The following TLK1 variants were observed in gnomAD, a reference collection of about 807,000 sequenced individuals.
TLK1 encodes the protein tousled like kinase 1, also known as serine/threonine-protein kinase tousled-like 1.
A neutral mutation model predicts 105.3 loss-of-function variants in TLK1; 24 were observed. That is an observed-to-expected ratio of 0.23 (90% CI 0.17 to 0.32). The LOEUF is 0.32. Among genes scored for constraint, TLK1 ranks in the 10% least tolerant of loss-of-function variants. The pLI is 1.00. For synonymous variants in TLK1, 321 were observed against 310.4 expected, an observed-to-expected ratio of 1.03 and a Z score of -0.36; for missense variants, 558 against 910.5, an observed-to-expected ratio of 0.61 and a Z score of 4.98.
intron 1 of TLK1, among the ~76,000 whole-genome samples, chr2:171,123,591 T>G (rs1199627592): frequency 6.6e-6 from 1 of 152,192 alleles, no homozygotes; most frequent in African/African-American, 2.4e-5. Flanking sequence ...GTGGATTGTT[T>G]GAGCCCAAGA....
chr2:171,166,115 G>A (rs904862436), intron 1 of TLK1, among the ~76,000 whole-genome samples: 1 of 152,220 alleles, frequency 6.6e-6, no homozygotes, highest in African/African-American at 2.4e-5. Context: ...GTCAGCAAAA[G>A]CTACAAGTTA....
chr2:171,022,832 G>C (rs1370289314), intron 12 of TLK1: 1 of 252,170 alleles, frequency 4.0e-6, no homozygotes, highest in African/African-American at 2.3e-5. Context: ...AAAGACCAAA[G>C]GGGACATCAA....
chr2:171,030,940 G>A (rs1394169426), intron 11 of TLK1, among the ~76,000 whole-genome samples: 3 of 151,788 alleles, frequency 2.0e-5, no homozygotes, highest in Non-Finnish European at 4.4e-5. Context: ...GTGCAATTTA[G>A]GAGAAACGCT....
chr2:171,189,194 T>G (rs947014038), intron 1 of TLK1, among the ~76,000 whole-genome samples: 1 of 146,506 alleles, frequency 6.8e-6, no homozygotes, highest in Admixed American at 7.0e-5. Context: ...TGAGATGGAG[T>G]CTTGCTCTGT....
At chr2:171,138,981 T>C (rs1171856578) in intron 1 of TLK1, among the ~76,000 whole-genome samples, 2 of 152,194 alleles carry the variant, frequency 1.3e-5, no homozygotes, top group Non-Finnish European at 2.9e-5. Flanking sequence ...AAGGGTGTTA[T>C]ACAGTATGAG....
intron 2 of TLK1, among the ~76,000 whole-genome samples, chr2:171,110,809 T>A (rs1440360509): frequency 6.6e-6 from 1 of 152,198 alleles, no homozygotes; most frequent in Non-Finnish European, 1.5e-5. Context: ...ATTATATACA[T>A]CTGTCAAATC....
chr2:171,186,088 G>A (rs1693019772), intron 1 of TLK1, among the ~76,000 whole-genome samples: 1 of 152,236 alleles, frequency 6.6e-6, no homozygotes, highest in South Asian at 2.1e-4. Flanking sequence ...TCCAAAGGAA[G>A]AAACTTTCCT....
At position 171,016,266 on chromosome 2, in the gene TLK1, C is replaced by T. The variant is rs138277116; in HGVS notation, c.1237-1318G>A. Among the ~76,000 whole-genome samples the T allele has an allele frequency of 4.9e-4, 74 of 152,220 alleles. No homozygotes were observed. The East Asian group carries it at 0.014, about 28-fold the overall frequency. On this transcript the variant is annotated intron_variant, in intron 12 of 20. Coordinates refer to ENST00000431350, the MANE Select transcript of TLK1 (RefSeq NM_012290.5). ...AAGCAATCCTCCTGCCTCAGCCTTC[C>T]CAGTAACTAGGACTACAGGCATGCG...
chr2:171,203,235 G>A (rs1270864198), intron 1 of TLK1, among the ~76,000 whole-genome samples: 3 of 151,430 alleles, frequency 2.0e-5, no homozygotes, highest in African/African-American at 7.3e-5. Flanking sequence ...CCATTTTTAT[G>A]GTATACAAAA....
intron 18 of TLK1, among the ~76,000 whole-genome samples, chr2:171,001,271 T>G (rs566656057): frequency 6.6e-6 from 1 of 152,224 alleles, no homozygotes; most frequent in Non-Finnish European, 1.5e-5. Flanking sequence ...GTATCATGTG[T>G]AACGAGCCTT....
At position 171,208,695 on chromosome 2, in the gene TLK1, C is replaced by A. The variant is rs142414783; in HGVS notation, c.-6+22450G>T. Among the ~76,000 whole-genome samples, 397 of 152,302 alleles carry A rather than the reference C, an allele frequency of 2.6e-3. 2 individuals carry two copies. The highest frequency in any genetic ancestry group is 3.9e-3 in the Non-Finnish European group (263 of 68,014). ...CAAAAGTAGAAGCAACTTAAACATT[C>A]AAAAATGAGGCATTTGATATTGACA... is the stretch of plus-strand genomic sequence containing the variant. On this transcript the variant is annotated intron_variant, in intron 1 of 20. Transcript: ENST00000521943.
rs576417564 is a variant in TLK1 at position 171,151,795 on chromosome 2, G to A, written c.139+8495C>T. On this transcript the variant is annotated intron_variant, in intron 1 of 20. Coordinates refer to ENST00000431350, the MANE Select transcript of TLK1 (RefSeq NM_012290.5). Reference sequence around the variant, plus strand: ...CAGCCATGTGTATCTTTAAGTAAATGAAATAAGTATCTTTAAGTAAATGAA... The same window carrying A: ...CAGCCATGTGTATCTTTAAGTAAATAAAATAAGTATCTTTAAGTAAATGAA... Among the ~76,000 whole-genome samples, 14 of 150,934 alleles carry A rather than the reference G, an allele frequency of 9.3e-5. No individual in the cohort carries two copies. In the South Asian group the frequency reaches 2.5e-3, roughly 27 times the overall value.
chr2:171,116,687 G>A (rs1394327738), intron 2 of TLK1, among the ~76,000 whole-genome samples: 2 of 138,448 alleles, frequency 1.4e-5, no homozygotes, highest in African/African-American at 5.7e-5. Context: ...GCGACAAAGT[G>A]AGACTCCCTC....
At chr2:171,088,381 TAC>T (rs952249974) in intron 2 of TLK1, among the ~76,000 whole-genome samples, 4 of 152,130 alleles carry the variant, frequency 2.6e-5, no homozygotes, top group African/African-American at 9.7e-5. Flanking sequence ...CCTGCCCAGT[TAC>T]ACAGTTTCCA....
At chr2:171,006,923 C>T (rs1684677448) in intron 15 of TLK1, 34 bp from the exon 16 acceptor site, 2 of 1,603,174 alleles carry the variant, frequency 1.2e-6, no homozygotes, top group Non-Finnish European at 1.7e-6. Context: ...TCTCCATGAT[C>T]ATTCAAAAAA....
At chr2:171,185,356 C>G (rs1372493582) in intron 1 of TLK1, among the ~76,000 whole-genome samples, 1 of 152,038 alleles carries the variant, frequency 6.6e-6, no homozygotes, top group African/African-American at 2.4e-5. Context: ...AGATTTCTAC[C>G]CTTTGAGTCC....
intron 2 of TLK1, among the ~76,000 whole-genome samples, chr2:171,114,413 A>G (rs1204500169): frequency 6.6e-6 from 1 of 152,216 alleles, no homozygotes; most frequent in Non-Finnish European, 1.5e-5. Context: ...ACATAAAAGT[A>G]GAGGCCCAAC....
At chr2:171,083,493 A>G (rs1688837934) in intron 2 of TLK1, among the ~76,000 whole-genome samples, 2 of 152,120 alleles carry the variant, frequency 1.3e-5, no homozygotes, top group African/African-American at 4.8e-5. Context: ...ATACGCTTCT[A>G]TGATACTTAT....
chr2:171,138,301 A>G (rs1020192792), intron 1 of TLK1, among the ~76,000 whole-genome samples: 3 of 152,226 alleles, frequency 2.0e-5, no homozygotes, highest in Non-Finnish European at 2.9e-5. Flanking sequence ...ATATACTTAC[A>G]ACGACATATT....
Sources: allele counts gnomAD v4.1 joint callset (sites outside exome capture counted in the v4.1 genomes callset), GRCh38; gene constraint gnomAD v4.1.1; transcripts MANE v1.5; gene names NCBI Gene and HGNC (gene_info 2026-07-23, HGNC 2026-07-21).